The following CLINT1 variants were observed in gnomAD, a reference collection of about 807,000 sequenced individuals.
CLINT1 encodes the protein clathrin interactor 1, also known as clathrin interacting protein localized in the trans-Golgi region.
In CLINT1, 15 loss-of-function variants were observed where a neutral mutation model predicts 70.4. That is an observed-to-expected ratio of 0.21 (90% confidence interval 0.14 to 0.33). The LOEUF is 0.33. Ranked by LOEUF, CLINT1 falls within the 10% of genes least tolerant of loss-of-function variation. The pLI, the probability that CLINT1 is intolerant of heterozygous loss-of-function variation, is 1.00. For synonymous variants in CLINT1, 227 were observed against 254.7 expected (o/e 0.89, Z 1.04); for missense variants, 615 against 778.1 (o/e 0.79, Z 2.49).
At chr5:157,847,461 A>C (rs1403642589) in intron 1 of CLINT1, among the ~76,000 whole-genome samples, 5 of 152,062 alleles carry the variant, frequency 3.3e-5, no homozygotes, top group Non-Finnish European at 7.4e-5. Context: ...CAGTGAGCCG[A>C]GATCGTGCCA....
chr5:157,815,593 G>A (rs1762695374), intron 3 of CLINT1, among the ~76,000 whole-genome samples: 1 of 152,054 alleles, frequency 6.6e-6, no homozygotes, highest in Non-Finnish European at 1.5e-5. Context: ...TAAAACTGAG[G>A]GACACAAAAC....
intron 1 of CLINT1, among the ~76,000 whole-genome samples, chr5:157,850,395 G>T (rs555923083): frequency 2.0e-5 from 3 of 152,028 alleles, no homozygotes; most frequent in African/African-American, 7.2e-5. Flanking sequence ...GAGGCGGGCG[G>T]ATTGCCTGAG....
chr5:157,853,353 GAA>G (rs35358618), intron 1 of CLINT1, among the ~76,000 whole-genome samples: 1 of 129,650 alleles, frequency 7.7e-6, no homozygotes, highest in Non-Finnish European at 1.7e-5. Context: ...AAGAAAGAAA[GAA>G]AAAAAAAAAA....
intron 8 of CLINT1, among the ~76,000 whole-genome samples, chr5:157,802,126 C>G (rs932520646): frequency 6.6e-6 from 1 of 152,090 alleles, no homozygotes; most frequent in Admixed American, 6.5e-5. Flanking sequence ...AACTCCTGAC[C>G]TCAGGTGATC....
intron 1 of CLINT1, among the ~76,000 whole-genome samples, chr5:157,835,886 A>C (rs1763405351): frequency 6.6e-6 from 1 of 152,198 alleles, no homozygotes; most frequent in Non-Finnish European, 1.5e-5. Context: ...AACTAAATGA[A>C]ATCTAAAGTT....
intron 7 of CLINT1, among the ~76,000 whole-genome samples, 156 bp from the exon 8 acceptor site, chr5:157,803,875 T>C (rs563801532): frequency 1.1e-4 from 17 of 152,288 alleles, no homozygotes; most frequent in Non-Finnish European, 2.2e-4. Context: ...TGAATCCTTA[T>C]GGAGAGGCAG....
intron 6 of CLINT1, among the ~76,000 whole-genome samples, 190 bp downstream of exon 6, chr5:157,809,436 CTG>C (rs535420312): frequency 6.7e-6 from 1 of 149,922 alleles, no homozygotes; most frequent in Non-Finnish European, 1.5e-5. Flanking sequence ...TATGACAACT[CTG>C]TACTTTATGC....
rs371887590 is a variant in CLINT1 at position 157,799,366 on chromosome 5, C to A, written c.1012+4284G>T. On this transcript the variant is annotated intron_variant, in intron 8 of 11. Coordinates refer to ENST00000411809, the MANE Select transcript of CLINT1 (RefSeq NM_014666.4). ...TCAACTAACTAGCGATTACTGGGTA[C>A]AAAGCAGCAGGTTCAAATGTAAATG... 1.4e-3 allele frequency among the ~76,000 whole-genome samples: 208 copies of A among 152,178 alleles called. 3 individuals are homozygous for A. The highest frequency in any genetic ancestry group is 4.8e-3 in the African/African-American group (199 of 41,556).
chr5:157,812,358 A>G (rs1762589838), intron 5 of CLINT1, among the ~76,000 whole-genome samples: 1 of 152,220 alleles, frequency 6.6e-6, no homozygotes, highest in African/African-American at 2.4e-5. Context: ...AGCTCACAGA[A>G]GACAGAACAA....
Position 157,791,687 on chromosome 5 carries a change from G to A in CLINT1, c.1380+16C>T, listed in dbSNP as rs773679234. 6.3e-6 allele frequency: 10 copies of A among 1,592,120 alleles called. No homozygotes were observed. The Admixed American group carries it at 1.1e-4, about 17-fold the overall frequency. On this transcript the variant is annotated intron_variant, in intron 10 of 11. Transcript: ENST00000411809. Reference sequence around the variant, plus strand: ...AGATTATAAATAACAAATTCCAAGGGAACCAGACAACTTACCTGTGATCTT... The same window carrying A: ...AGATTATAAATAACAAATTCCAAGGAAACCAGACAACTTACCTGTGATCTT...
rs577070121 is a variant in CLINT1, at chr5:157,828,461, A to G, written c.42-10914T>C. Among the ~76,000 whole-genome samples the G allele has an allele frequency of 2.0e-5, 3 of 152,288 alleles. No individual in the cohort carries two copies. The South Asian group carries it at 6.2e-4, about 32-fold the overall frequency. Reference sequence around the variant, plus strand: ...CATAGAAGAAGAAGCCTCATAACACAAAAGTATATGAACGCTAACAACTAT... The same window carrying G: ...CATAGAAGAAGAAGCCTCATAACACGAAAGTATATGAACGCTAACAACTAT... On this transcript the variant is annotated intron_variant, in intron 1 of 11. Coordinates refer to ENST00000411809, the MANE Select transcript of CLINT1 (RefSeq NM_014666.4).
At chr5:157,857,746 G>A (rs1753803978) in intron 1 of CLINT1, among the ~76,000 whole-genome samples, 3 of 152,200 alleles carry the variant, frequency 2.0e-5, no homozygotes, top group Admixed American at 2.0e-4. Context: ...TCTGAAACCT[G>A]TGCTCCTTAG....
At chr5:157,802,890 T>C (rs538571390) in intron 8 of CLINT1, among the ~76,000 whole-genome samples, 15 of 152,340 alleles carry the variant, frequency 9.8e-5, no homozygotes, top group African/African-American at 1.9e-4. Context: ...TCAGAGAATG[T>C]CATTCCTCTG....
At chr5:157,815,197 G>A (rs1168077476) in intron 3 of CLINT1, among the ~76,000 whole-genome samples, 2 of 151,822 alleles carry the variant, frequency 1.3e-5, no homozygotes, top group African/African-American at 4.8e-5. Context: ...CTACTTAGGA[G>A]GTTGAGGCAG....
rs538416258 is a variant in CLINT1, at chr5:157,857,435, C to T, written c.41+1495G>A. Reference sequence around the variant, plus strand: ...AAATAAATAGCTGAAGCCTTAATAGCCAAATGAGTTGTTATAAAGGAAAAT... The same window carrying T: ...AAATAAATAGCTGAAGCCTTAATAGTCAAATGAGTTGTTATAAAGGAAAAT... On this transcript the variant is annotated intron_variant, in intron 1 of 11. Coordinates refer to ENST00000411809, the MANE Select transcript of CLINT1 (RefSeq NM_014666.4). Among the ~76,000 whole-genome samples the T allele has an allele frequency of 3.3e-5, 5 of 152,186 alleles. No individual in the cohort carries two copies. The South Asian group carries it at 6.2e-4, about 19-fold the overall frequency.
At chr5:157,847,816 T>G (rs1753434069) in intron 1 of CLINT1, among the ~76,000 whole-genome samples, 1 of 152,088 alleles carries the variant, frequency 6.6e-6, no homozygotes, top group South Asian at 2.1e-4. Flanking sequence ...AACAAAGATT[T>G]TTCTTGTTTT....
intron 1 of CLINT1, among the ~76,000 whole-genome samples, chr5:157,858,383 G>A (rs772954969): frequency 1.3e-5 from 2 of 152,166 alleles, no homozygotes; most frequent in Non-Finnish European, 2.9e-5. Flanking sequence ...GACCACAATA[G>A]CCACTTGTTA....
At chr5:157,852,780 TAAGTA>T (rs1300402774) in intron 1 of CLINT1, among the ~76,000 whole-genome samples, 3 of 152,212 alleles carry the variant, frequency 2.0e-5, no homozygotes, top group Non-Finnish European at 2.9e-5. Flanking sequence ...TGGAGGCACC[TAAGTA>T]TAGTGGCAAA....
At chr5:157,847,717 T>G (rs1264730676) in intron 1 of CLINT1, among the ~76,000 whole-genome samples, 1 of 152,170 alleles carries the variant, frequency 6.6e-6, no homozygotes, top group Non-Finnish European at 1.5e-5. Flanking sequence ...TGATAAAGCT[T>G]GAATGATGAG....
Sources: gnomAD v4.1 joint callset for allele counts (sites outside exome capture counted in the v4.1 genomes callset) on GRCh38, gnomAD v4.1.1 for gene constraint, MANE v1.5 for transcripts, NCBI Gene and HGNC (gene_info 2026-07-23, HGNC 2026-07-21) for gene names.